The following HMGN5 variants were observed in gnomAD, a reference collection of about 807,000 sequenced individuals.
HMGN5 encodes high mobility group nucleosome binding domain 5, also known as high mobility group nucleosome-binding domain-containing protein 5.
Under a neutral mutation model 9.5 loss-of-function variants are expected in HMGN5, and 4 were observed. The ratio of observed to expected loss-of-function variants is 0.42; its 90% confidence interval spans 0.21 to 0.96. The LOEUF (loss-of-function observed/expected upper bound fraction) is 0.96, where lower values mean the gene tolerates loss of function less well. Ranked by LOEUF, HMGN5 falls within the 40% of genes least tolerant of loss-of-function variation. The pLI is 0.30. For synonymous variants in HMGN5, 55 were observed against 57.1 expected (o/e 0.96, Z 0.16); for missense variants, 192 against 187.5 (o/e 1.02, Z -0.14).
At chrX:81,176,813 A>T (rs182872901) in intron 1 of HMGN5, among the ~76,000 whole-genome samples, 32 of 111,942 alleles carry the variant, frequency 2.9e-4, no homozygotes, top group African/African-American at 9.4e-4. Flanking sequence ...TGATTGGTGT[A>T]CCTGAAAGTG....
At chrX:81,170,471 T>C (rs1002573734) in intron 1 of HMGN5, among the ~76,000 whole-genome samples, 6 of 111,515 alleles carry the variant, frequency 5.4e-5, no homozygotes, top group Non-Finnish European at 1.1e-4. Context: ...AGTAAGAAAA[T>C]AAGTGTATAA....
At position 81,151,964 on chromosome X, in the gene HMGN5, C is replaced by T. The variant is rs964712814; in HGVS notation, c.-123-30292G>A. Among the ~76,000 whole-genome samples, 4 of 111,359 alleles carry T rather than the reference C, an allele frequency of 3.6e-5. No individual in the cohort carries two copies. The East Asian group carries it at 8.4e-4, about 23-fold the overall frequency. ...ATATGTAGAAAGCTGAAACTGGATC[C>T]CTTCCTTACACCTTATACAAAAATC... On this transcript the variant is annotated intron_variant, in intron 1 of 6. Coordinates refer to ENST00000358130, the MANE Select transcript of HMGN5 (RefSeq NM_030763.3).
chrX:81,164,613 T>C (rs1324715730), intron 1 of HMGN5, among the ~76,000 whole-genome samples: 1 of 111,752 alleles, frequency 8.9e-6, no homozygotes, highest in Non-Finnish European at 1.9e-5. Context: ...TTGGTTGCTC[T>C]ATTATCTATT....
intron 1 of HMGN5, among the ~76,000 whole-genome samples, chrX:81,146,606 A>G (rs1322422029): frequency 8.9e-6 from 1 of 111,867 alleles, no homozygotes. Flanking sequence ...ACAAGAGCAA[A>G]CACATTCAAA....
At chrX:81,169,421 C>A (rs1380888838) in intron 1 of HMGN5, among the ~76,000 whole-genome samples, 1 of 111,589 alleles carries the variant, frequency 9.0e-6, no homozygotes, top group Non-Finnish European at 1.9e-5. Flanking sequence ...ATATCCTCAA[C>A]CACTGTTCCA....
At chrX:81,136,510 A>G (rs149922240) in intron 1 of HMGN5, among the ~76,000 whole-genome samples, 18 of 111,563 alleles carry the variant, frequency 1.6e-4, no homozygotes, top group African/African-American at 4.6e-4. Context: ...GTATTGTAAT[A>G]CCTACAGCAA....
intron 1 of HMGN5, among the ~76,000 whole-genome samples, chrX:81,136,912 C>G (rs1279705996): frequency 9.0e-6 from 1 of 111,202 alleles, no homozygotes; most frequent in East Asian, 2.8e-4. Context: ...TACATAGTAT[C>G]CAATCAACTT....
intron 1 of HMGN5, among the ~76,000 whole-genome samples, chrX:81,176,960 C>T (rs775695443): frequency 3.6e-5 from 4 of 109,961 alleles, no homozygotes; most frequent in South Asian, 3.9e-4. Context: ...AGATACTCCT[C>T]GAGAAGAGTA....
Position 81,121,579 on chromosome X carries a change from C to A in HMGN5, c.-30G>T. 8.7e-7 allele frequency: 1 copy of A among 1,153,424 alleles called. No individual in the cohort carries two copies. Among genetic ancestry groups the A allele is most frequent in the South Asian group, 2.0e-5 (1 of 49,658 alleles). The stretch of plus-strand genomic sequence containing the variant: ...GTAGCTCTCTATAGGAGATCTTAGT[C>A]AGCAGAAAAAAAGCCGAAGGCAGTC... On this transcript the variant is annotated 5_prime_UTR_variant, in exon 2 of 7. Coordinates refer to ENST00000358130, the MANE Select transcript of HMGN5 (RefSeq NM_030763.3).
At chrX:81,137,659 A>T (rs894869381) in intron 1 of HMGN5, among the ~76,000 whole-genome samples, 3 of 111,783 alleles carry the variant, frequency 2.7e-5, no homozygotes, top group Non-Finnish European at 5.7e-5. Flanking sequence ...AAGAAAAAAG[A>T]CAAACACAAA....
At position 81,198,683 on chromosome X, in the gene HMGN5, C is replaced by G. The variant is rs187629536; in HGVS notation, c.-124+3054G>C. ...CCTTCGAAAAAATTTAACAGCCCTT[C>G]ATGCTAAAAACTCTCAATAAACTAG... is the stretch of plus-strand genomic sequence containing the variant. On this transcript the variant is annotated intron_variant, in intron 1 of 6. Transcript: ENST00000358130. 5.4e-5 allele frequency among the ~76,000 whole-genome samples: 6 copies of G among 111,891 alleles called. No individual in the cohort carries two copies. In the Admixed American group the frequency reaches 5.7e-4, roughly 11 times the overall value.
intron 1 of HMGN5, among the ~76,000 whole-genome samples, chrX:81,146,502 G>A (rs1467704911): frequency 9.0e-6 from 1 of 111,714 alleles, no homozygotes; most frequent in Non-Finnish European, 1.9e-5. Context: ...AAAGCAGTGT[G>A]TAGAGGGAAA....
intron 1 of HMGN5, among the ~76,000 whole-genome samples, chrX:81,145,534 C>T (rs1448612938): frequency 8.9e-6 from 1 of 111,952 alleles, no homozygotes; most frequent in East Asian, 2.8e-4. Flanking sequence ...CGAGTGCCAG[C>T]CACTGCAAAA....
rs775027643 is a variant in HMGN5 at position 81,192,451 on chromosome X, T to C, written c.-124+9286A>G. Among the ~76,000 whole-genome samples the C allele has an allele frequency of 6.3e-5, 7 of 111,988 alleles. No homozygotes were observed. The East Asian group carries it at 2.0e-3, about 31-fold the overall frequency. ...TTGTGGGAAGGTTTTTATTTATATA[T>C]ACAATTTTAAATTTTTCTTATGTCT... is the stretch of plus-strand genomic sequence containing the variant. On this transcript the variant is annotated intron_variant, in intron 1 of 6. Transcript: ENST00000358130.
chrX:81,130,524 G>A (rs2075295570), intron 1 of HMGN5, among the ~76,000 whole-genome samples: 1 of 110,988 alleles, frequency 9.0e-6, no homozygotes, highest in Non-Finnish European at 1.9e-5. Context: ...TTCTGCTTTT[G>A]AATCTTAGAT....
chrX:81,151,380 A>G (rs1378741913), intron 1 of HMGN5, among the ~76,000 whole-genome samples: 1 of 111,430 alleles, frequency 9.0e-6, no homozygotes, highest in African/African-American at 3.3e-5. Flanking sequence ...GTCAGGTAGC[A>G]TGATGCCTCC....
chrX:81,192,624 G>A (rs1037912503), intron 1 of HMGN5, among the ~76,000 whole-genome samples: 3 of 111,498 alleles, frequency 2.7e-5, no homozygotes, highest in Admixed American at 9.5e-5. Flanking sequence ...TATTTTACCC[G>A]AAATACATTC....
At chrX:81,156,823 C>G (rs968093643) in intron 1 of HMGN5, among the ~76,000 whole-genome samples, 4 of 110,172 alleles carry the variant, frequency 3.6e-5, no homozygotes, top group Non-Finnish European at 7.6e-5. Flanking sequence ...GATTTCTTGT[C>G]TTGCACTCTG....
At chrX:81,193,061 T>C (rs1394048322) in intron 1 of HMGN5, among the ~76,000 whole-genome samples, 1 of 111,880 alleles carries the variant, frequency 8.9e-6, no homozygotes, top group African/African-American at 3.2e-5. Context: ...CAAAGACATA[T>C]AACTTTTGCT....
Sources: gnomAD v4.1 joint callset for allele counts (sites outside exome capture counted in the v4.1 genomes callset) on GRCh38, gnomAD v4.1.1 for gene constraint, MANE v1.5 for transcripts, NCBI Gene and HGNC (gene_info 2026-07-23, HGNC 2026-07-21) for gene names.